PHF8: variants seen among roughly 807,000 people sequenced by gnomAD.
PHF8 encodes the protein histone lysine demethylase PHF8.
Under a neutral mutation model 74.4 loss-of-function variants are expected in PHF8, and 9 were observed. The ratio of observed to expected loss-of-function variants is 0.12; its 90% CI spans 0.07 to 0.21. The LOEUF (loss-of-function observed/expected upper bound fraction) is 0.21. Ranked by LOEUF, PHF8 falls within the 10% of genes least tolerant of loss-of-function variation. PHF8 has a pLI of 1.00. For synonymous variants in PHF8, 311 were observed against 316.6 expected (o/e 0.98, Z 0.19); for missense variants, 478 against 816.6 (o/e 0.59, Z 5.05).
chrX:54,017,491 G>A (rs1437029562), intron 5 of PHF8, among the ~76,000 whole-genome samples, 170 bp downstream of exon 5: 1 of 112,020 alleles, frequency 8.9e-6, no homozygotes. Flanking sequence ...ACAAAGAGGA[G>A]ACTAGGATTT....
chrX:53,997,819 G>A (rs890096731), intron 11 of PHF8, among the ~76,000 whole-genome samples: 2 of 111,757 alleles, frequency 1.8e-5, no homozygotes, highest in Non-Finnish European at 3.8e-5. Context: ...ACACCTGAGA[G>A]GTGTGGAGAA....
At chrX:54,046,041 T>G (rs781786444), upstream of PHF8, among the ~76,000 whole-genome samples, 146 of 109,940 alleles carry the variant, frequency 1.3e-3, no homozygotes, top group African/African-American at 4.4e-3. Context: ...CTAGAACTCC[T>G]GGACTCAAGC....
At chrX:53,944,266 A>G in intron 19 of PHF8, 23 bp from the exon 20 acceptor site, 1 of 1,079,921 alleles carries the variant, frequency 9.3e-7, no homozygotes, top group Non-Finnish European at 1.3e-6. Context: ...CAGGATGAGA[A>G]GGTGTCACTA....
intron 2 of PHF8, among the ~76,000 whole-genome samples, chrX:54,042,132 G>A (rs908518025): frequency 1.8e-5 from 2 of 109,784 alleles, no homozygotes; most frequent in African/African-American, 6.6e-5. Context: ...GAAAAACACC[G>A]TCTCTACTAA....
At chrX:54,025,952 A>G (rs1340171918) in intron 2 of PHF8, among the ~76,000 whole-genome samples, 1 of 111,390 alleles carries the variant, frequency 9.0e-6, no homozygotes, top group Non-Finnish European at 1.9e-5. Context: ...TCATCCCCAT[A>G]TGCAAACCCT....
chrX:54,041,905 T>C (rs1557115981), intron 2 of PHF8, among the ~76,000 whole-genome samples: 1 of 112,485 alleles, frequency 8.9e-6, no homozygotes, highest in East Asian at 2.8e-4. Context: ...TGAAACTAAG[T>C]ACAAAGCCAC....
At chrX:54,025,412 G>A (rs1331237945) in intron 2 of PHF8, among the ~76,000 whole-genome samples, 5 of 109,130 alleles carry the variant, frequency 4.6e-5, no homozygotes, top group Non-Finnish European at 9.5e-5. Flanking sequence ...CTCTACCCTT[G>A]TGTAAGAGCT....
intron 18 of PHF8, 89 bp downstream of exon 18, chrX:53,984,825 C>T: frequency 1.3e-6 from 1 of 745,719 alleles, no homozygotes; most frequent in Non-Finnish European, 2.1e-6. Flanking sequence ...ACTTTGTTCA[C>T]TACAAGCTGT....
intron 11 of PHF8, among the ~76,000 whole-genome samples, chrX:53,998,027 T>C (rs1265882166): frequency 8.9e-6 from 1 of 112,495 alleles, no homozygotes; most frequent in Admixed American, 9.4e-5. Flanking sequence ...GATTACATGT[T>C]GACATTTCTT....
At chrX:54,002,406 T>C (rs112731110) in intron 9 of PHF8, 145 bp from the exon 10 acceptor site, 54,821 of 549,577 alleles carry the variant, frequency 0.1, 2,776 homozygotes, top group African/African-American at 0.29. Context: ...GAAACTTGGG[T>C]TCAAAGGTTA....
chrX:53,987,188 T>C, intron 15 of PHF8, 25 bp from the exon 16 acceptor site: 1 of 1,000,495 alleles, frequency 1.0e-6, no homozygotes, highest in Non-Finnish European at 1.4e-6. Flanking sequence ...AATGCACTTA[T>C]TATGAAGCTA....
chrX:53,986,010 C>G, intron 16 of PHF8, 61 bp from the exon 17 acceptor site: 1 of 1,070,997 alleles, frequency 9.3e-7, no homozygotes, highest in Non-Finnish European at 1.3e-6. Flanking sequence ...GGCCCCAGTA[C>G]AGGGGCGATG....
At position 53,940,279 on chromosome X, in the gene PHF8, T is replaced by C. The variant is rs1557083041; in HGVS notation, c.2887A>G (p.Met963Val). 3 of 1,205,084 alleles carry C rather than the reference T, an allele frequency of 2.5e-6. No homozygotes were observed. The highest frequency in any genetic ancestry group is 3.0e-5 in the East Asian group (1 of 33,653). The change falls in exon 21 of 22, where the codon ATG (methionine) becomes GTG (valine). Residue 963 changes from methionine (M) to valine (V), a missense_variant. By Grantham distance (21) the Met-to-Val change is conservative (BLOSUM62 1). Around this residue, in one of 9 missense-constraint regions of PHF8, gnomAD observed 75 missense variants for 93.3 expected, o/e 0.80. Coordinates refer to ENST00000338154, the MANE Select transcript of PHF8 (RefSeq NM_015107.3). The stretch of plus-strand genomic sequence containing the variant: ...GTGGTGCTGCGGTTTGCCTGGGCCA[T>C]GCCAAAGGCATTGGGACGAGCGGTG... ...EYTARPNAFG[M>V]AQANRSTTPM...
chrX:54,010,132 C>A (rs2065962415), intron 8 of PHF8, among the ~76,000 whole-genome samples: 2 of 109,502 alleles, frequency 1.8e-5, no homozygotes, highest in African/African-American at 3.3e-5. Context: ...CCAGCCATGG[C>A]CAACATGGTA....
chrX:54,000,030 T>C, intron 10 of PHF8, 69 bp from the exon 11 acceptor site: 1 of 663,594 alleles, frequency 1.5e-6, no homozygotes, highest in Non-Finnish European at 2.5e-6. Context: ...TTGGGACTTT[T>C]GTTAAGACAA....
At chrX:54,043,249 C>CCT (rs2066594683) in intron 1 of PHF8, 1 of 332,767 alleles carries the variant, frequency 3.0e-6, no homozygotes, top group Non-Finnish European at 3.9e-6. Flanking sequence ...ACAAGACCCT[C>CCT]CTCTCACCAC....
intron 3 of PHF8, 58 bp from the exon 4 acceptor site, chrX:54,022,425 A>G (rs782553972): frequency 4.0e-6 from 3 of 744,818 alleles, no homozygotes; most frequent in Admixed American, 4.4e-5. Flanking sequence ...TATGATACCA[A>G]GAACAAAGGC....
chrX:54,014,623 GAATAA>G (rs1569528589), intron 6 of PHF8, 60 bp from the exon 7 acceptor site: 11 of 825,468 alleles, frequency 1.3e-5, no homozygotes. Flanking sequence ...ATTGAGGCCT[GAATAA>G]AATACCCCAC....
At chrX:54,041,886 T>C (rs1473474276) in intron 2 of PHF8, among the ~76,000 whole-genome samples, 1 of 112,674 alleles carries the variant, frequency 8.9e-6, no homozygotes, top group Non-Finnish European at 1.9e-5. Context: ...AACTTGTGCA[T>C]GGTCACTCTG....
Sources: allele counts gnomAD v4.1 joint callset (sites outside exome capture counted in the v4.1 genomes callset), GRCh38; gene constraint gnomAD v4.1.1; regional missense constraint gnomAD v4.1.1; transcripts MANE v1.5; gene names NCBI Gene and HGNC (gene_info 2026-07-23, HGNC 2026-07-21).